HEG1: variants seen among roughly 807,000 people sequenced by gnomAD.
HEG1 encodes the protein heart development protein with EGF like domains 1, also known as protein HEG homolog 1.
Under a neutral mutation model 125.6 loss-of-function variants are expected in HEG1, and 56 were observed. The observed-to-expected ratio is 0.45, with a 90% CI of 0.36 to 0.56. The LOEUF (loss-of-function observed/expected upper bound fraction) is 0.56. HEG1 is among the 20% of genes least tolerant of loss of function. The pLI is 0.00. For missense variants in HEG1, 1,523 were observed against 1,670.0 expected (o/e 0.91, Z 1.53); for synonymous variants, 644 against 668.5 (o/e 0.96, Z 0.57).
At chr3:125,029,113 G>T in intron 2 of HEG1, 82 bp downstream of exon 2, 1 of 1,440,218 alleles carries the variant, frequency 6.9e-7, no homozygotes. Flanking sequence ...GGCTCAGAAT[G>T]GGGTTGTGGG....
intron 2 of HEG1, 120 bp downstream of exon 2, chr3:125,029,075 C>T: frequency 8.9e-7 from 1 of 1,118,480 alleles, no homozygotes; most frequent in Non-Finnish European, 1.3e-6. Flanking sequence ...TGACCCACCC[C>T]AGCCTAGGAA....
intron 14 of HEG1, among the ~76,000 whole-genome samples, chr3:124,985,167 G>T (rs1936718196): frequency 6.6e-6 from 1 of 152,162 alleles, no homozygotes; most frequent in Non-Finnish European, 1.5e-5. Flanking sequence ...GATTCAGTGG[G>T]TCTGGAGTGG....
intron 8 of HEG1, among the ~76,000 whole-genome samples, chr3:125,007,560 A>G (rs1937090848): frequency 6.6e-6 from 1 of 152,246 alleles, no homozygotes; most frequent in Non-Finnish European, 1.5e-5. Flanking sequence ...GAGTTTGAAG[A>G]CTAAAGTTAA....
At position 125,036,593 on chromosome 3, in the gene HEG1, G is replaced by A. The variant is rs1240351577; in HGVS notation, c.317-7105C>T. Among the ~76,000 whole-genome samples, 6 of 152,126 alleles carry A rather than the reference G, an allele frequency of 3.9e-5. No individual in the cohort carries two copies. In the South Asian group the frequency reaches 1.0e-3, roughly 26 times the overall value. On this transcript the variant is annotated intron_variant, in intron 1 of 16. Transcript: ENST00000311127. ...CTGCAGTGCCTGATAAAAATGTTTA[G>A]CATCCTTAACACATAAAGAACTTTT...
At chr3:124,990,709 G>A in intron 14 of HEG1, 78 bp downstream of exon 14, 3 of 1,344,372 alleles carry the variant, frequency 2.2e-6, no homozygotes, top group Non-Finnish European at 3.1e-6. Flanking sequence ...GAGGGAAGTG[G>A]GAGGAGACTG....
rs1166868197 is a variant in HEG1, at chr3:125,009,798, A to C, written c.3100T>G (p.Cys1034Gly). ...TTGTTGCACATGGCTGTGGATGGGC[A>C]GGGGTTCGACAGGCACTCATTCACA... Reference protein sequence around the residue: ...VDVNECLSNPCPSTAMCNNTQ... With the variant: ...VDVNECLSNPGPSTAMCNNTQ... The change falls in exon 8 of 17, where the codon TGC becomes GGC. Residue 1034 changes from cysteine to glycine, a missense_variant. Physicochemically the swap from Cys to Gly is radical, Grantham distance 159. Transcript: ENST00000311127. The C allele has an allele frequency of 5.6e-6, 9 of 1,613,640 alleles. No individual in the cohort carries two copies. Among genetic ancestry groups the C allele is most frequent in the Non-Finnish European group, 7.6e-6 (9 of 1,179,680 alleles).
At chr3:124,974,848 T>G (rs973609360) in intron 15 of HEG1, among the ~76,000 whole-genome samples, 1 of 152,208 alleles carries the variant, frequency 6.6e-6, no homozygotes, top group Non-Finnish European at 1.5e-5. Flanking sequence ...TTTGTGGAAG[T>G]TGGGAACAGA....
intron 9 of HEG1, among the ~76,000 whole-genome samples, 174 bp downstream of exon 9, chr3:125,005,091 T>C (rs1937053485): frequency 6.6e-6 from 1 of 152,222 alleles, no homozygotes; most frequent in Non-Finnish European, 1.5e-5. Flanking sequence ...TGGGCACAAA[T>C]ACCTCACTTC....
rs551582878 is a variant in HEG1, at chr3:125,001,992, A to G, written c.3377T>C (p.Ile1126Thr). 1 of 1,613,992 alleles carries G rather than the reference A, an allele frequency of 6.2e-7. No individual in the cohort carries two copies. Among genetic ancestry groups the G allele is most frequent in the Non-Finnish European group, 8.5e-7 (1 of 1,179,886 alleles). ...HASRESNAVV[I>T]SLQTTFSLAS... ...CAGGGAAAAGGTTGTTTGCAGTGAG[A>G]TCACCACCGCGTTGGACTCCCTATA... The change falls in exon 11 of 17, where the codon ATC (isoleucine) becomes ACC (threonine). Residue 1126 changes from isoleucine to threonine, a missense_variant. Physicochemically the swap from Ile to Thr is moderately conservative, Grantham distance 89. Coordinates refer to ENST00000311127, the MANE Select transcript of HEG1 (RefSeq NM_020733.2).
rs1265754776 is a variant in HEG1 at position 124,968,575 on chromosome 3, G to A, written c.*2077C>T. 1 of 152,250 alleles carries A rather than the reference G, an allele frequency of 6.6e-6. No homozygotes were observed. Among genetic ancestry groups the A allele is most frequent in the Non-Finnish European group, 1.5e-5 (1 of 68,052 alleles). The allele number at this position is 152,250 out of a possible 1,614,324, so 9.4% of individuals were successfully genotyped here. On this transcript the variant is annotated 3_prime_UTR_variant, in exon 17 of 17. Transcript: ENST00000311127. ...GAACACTTCATTTTGTGGAGCTGAA[G>A]TCTTCTGGCTCCGATAGAGGAGATG...
intron 15 of HEG1, among the ~76,000 whole-genome samples, chr3:124,975,947 T>C (rs1456364277): frequency 6.6e-6 from 1 of 152,254 alleles, no homozygotes; most frequent in Non-Finnish European, 1.5e-5. Flanking sequence ...AGTTTTCACC[T>C]TTTGGCTATT....
At chr3:125,004,716 TAAA>T (rs5852436) in intron 9 of HEG1, among the ~76,000 whole-genome samples, 14 of 146,032 alleles carry the variant, frequency 9.6e-5, no homozygotes, top group South Asian at 6.6e-4. Flanking sequence ...CATTTTTCTT[TAAA>T]AAAAAAAAAA....
At position 125,020,795 on chromosome 3, in the gene HEG1, G is replaced by A. The variant is rs1937323818; in HGVS notation, c.1249C>T (p.Pro417Ser). ...CAAGTAAAGATGGAATACTTACTTGGGGAATCATTTTGCCAACGCAAAGAC... is the reference window on the plus strand; with the variant it reads ...CAAGTAAAGATGGAATACTTACTTGAGGAATCATTTTGCCAACGCAAAGAC... ...LTSLRWQNDS[P>S]TFGEHQLASS... Residue 417 changes from proline to serine, a missense_variant, in exon 4 of 17, where the codon CCA (proline) becomes TCA (serine). Physicochemically the swap from Pro to Ser is moderately conservative, Grantham distance 74 (BLOSUM62 -1). Transcript: ENST00000311127. The A allele has an allele frequency of 1.9e-6, 3 of 1,610,542 alleles. No individual in the cohort carries two copies. The highest frequency in any genetic ancestry group is 2.2e-5 in the East Asian group (1 of 44,860).
At chr3:124,977,979 C>T (rs1936576698) in intron 14 of HEG1, 33 bp from the exon 15 acceptor site, 2 of 1,483,000 alleles carry the variant, frequency 1.3e-6, no homozygotes, top group Non-Finnish European at 1.8e-6. Flanking sequence ...AGCATATTGG[C>T]TGGAGGTAAT....
intron 1 of HEG1, among the ~76,000 whole-genome samples, chr3:125,034,781 C>G (rs921546560): frequency 6.6e-6 from 1 of 151,636 alleles, no homozygotes; most frequent in East Asian, 1.9e-4. Flanking sequence ...GCTTGGACAA[C>G]AGAGTGAGAC....
intron 3 of HEG1, among the ~76,000 whole-genome samples, chr3:125,024,410 A>G (rs1937385440): frequency 6.6e-6 from 1 of 152,178 alleles, no homozygotes; most frequent in South Asian, 2.1e-4. Context: ...CTCTCACACA[A>G]TTCAACATAC....
chr3:125,004,383 A>T (rs1326817420), intron 9 of HEG1, among the ~76,000 whole-genome samples: 1 of 152,192 alleles, frequency 6.6e-6, no homozygotes, highest in Non-Finnish European at 1.5e-5. Flanking sequence ...AGATGAGTCA[A>T]ATCTCTGACT....
In HEG1 at chr3:125,002,952, C is replaced by T. The variant is rs555337799; in HGVS notation, c.3298-637G>A. On this transcript the variant is annotated intron_variant, in intron 9 of 16. Coordinates refer to ENST00000311127, the MANE Select transcript of HEG1 (RefSeq NM_020733.2). ...TGCTACCCTGCACAATAGGAGCTAT[C>T]GAGACTCCTTTCCCGGAGTGGAGGG... Among the ~76,000 whole-genome samples the T allele has an allele frequency of 1.1e-4, 17 of 152,288 alleles. No individual in the cohort carries two copies. In the South Asian group the frequency reaches 2.1e-3, roughly 19 times the overall value.
chr3:124,976,270 T>G lies in HEG1; in HGVS notation c.3821+1589A>C, dbSNP rs971851067. On this transcript the variant is annotated intron_variant, in intron 15 of 16. Coordinates refer to ENST00000311127, the MANE Select transcript of HEG1 (RefSeq NM_020733.2). ...TGGCATGATCTCAGGTCACTGCACC[T>G]CTGCCTCCCAGGTTCAAGCAATTCT... Among the ~76,000 whole-genome samples the G allele has an allele frequency of 9.2e-5, 14 of 152,302 alleles. No homozygotes were observed. In the East Asian group the frequency reaches 2.7e-3, roughly 29 times the overall value.
Sources: allele counts gnomAD v4.1 joint callset (sites outside exome capture counted in the v4.1 genomes callset), GRCh38; gene constraint gnomAD v4.1.1; transcripts MANE v1.5; gene names NCBI Gene and HGNC (gene_info 2026-07-23, HGNC 2026-07-21).